The following LMBR1 variants were observed in gnomAD, a reference collection of about 807,000 sequenced individuals.
The protein encoded by LMBR1 is limb development membrane protein 1.
LMBR1 carries 52 observed loss-of-function variants against 73.9 expected under a neutral mutation model. That is an observed-to-expected ratio of 0.70 (90% CI 0.56 to 0.89). The LOEUF (loss-of-function observed/expected upper bound fraction) is 0.89, where lower values mean the gene tolerates loss of function less well. LMBR1 is among the 40% of genes least tolerant of loss of function. The pLI, the probability that LMBR1 is intolerant of heterozygous loss-of-function variation, is 0.00. For synonymous variants in LMBR1, 215 were observed against 209.4 expected, an observed-to-expected ratio of 1.03 and a Z score of -0.23; for missense variants, 539 against 579.8, an observed-to-expected ratio of 0.93 and a Z score of 0.72.
chr7:156,707,542 CA>C (rs1468668622), intron 15 of LMBR1, among the ~76,000 whole-genome samples: 1 of 152,100 alleles, frequency 6.6e-6, no homozygotes, highest in African/African-American at 2.4e-5. Context: ...GGTTTTATAC[CA>C]GGAGTGTAAG....
intron 3 of LMBR1, among the ~76,000 whole-genome samples, chr7:156,831,514 A>G (rs879642498): frequency 3.3e-5 from 5 of 152,056 alleles, no homozygotes; most frequent in African/African-American, 7.2e-5. Flanking sequence ...GATGAGGGAG[A>G]CTAGTCAGAC....
intron 9 of LMBR1, among the ~76,000 whole-genome samples, chr7:156,741,620 T>A (rs1395592074): frequency 1.3e-5 from 2 of 152,100 alleles, no homozygotes; most frequent in Non-Finnish European, 1.5e-5. Flanking sequence ...TGTAAAGATA[T>A]ATGCACCAAT....
chr7:156,841,477 A>T (rs1200229655), intron 1 of LMBR1, among the ~76,000 whole-genome samples: 2 of 152,188 alleles, frequency 1.3e-5, no homozygotes, highest in African/African-American at 4.8e-5. Context: ...ATAGAGACCT[A>T]GAGCTCTCAA....
rs371227423 is a variant in LMBR1 at position 156,758,848 on chromosome 7, T to C, written c.685-2383A>G. ...GCAGTGACAATGTAAATAACACACATATATTTGTGTTAAGTTCTTATGAGC... is the reference window on the plus strand; with the variant it reads ...GCAGTGACAATGTAAATAACACACACATATTTGTGTTAAGTTCTTATGAGC... On this transcript the variant is annotated intron_variant, in intron 8 of 16. Coordinates refer to ENST00000353442, the MANE Select transcript of LMBR1 (RefSeq NM_022458.4). Among the ~76,000 whole-genome samples, 20 of 152,318 alleles carry C rather than the reference T, an allele frequency of 1.3e-4. No individual in the cohort carries two copies. The East Asian group carries it at 2.3e-3, about 18-fold the overall frequency.
At chr7:156,845,166 T>A (rs75100101) in intron 1 of LMBR1, among the ~76,000 whole-genome samples, 4,095 of 152,256 alleles carry the variant, frequency 0.027, 202 homozygotes, top group African/African-American at 0.094. Context: ...TTATCATGTG[T>A]ACCCCAAGAA....
chr7:156,678,634 T>C lies in LMBR1; in HGVS notation c.*5444A>G, dbSNP rs1804478900. 1 of 151,782 alleles carries C rather than the reference T, an allele frequency of 6.6e-6. No homozygotes were observed. Among genetic ancestry groups the C allele is most frequent in the Non-Finnish European group, 1.5e-5 (1 of 67,922 alleles). The allele number at this position is 151,782 out of a possible 1,614,324, so 9.4% of individuals were successfully genotyped here. On this transcript the variant is annotated 3_prime_UTR_variant, in exon 17 of 17. Coordinates refer to ENST00000353442, the MANE Select transcript of LMBR1 (RefSeq NM_022458.4). Reference sequence around the variant, plus strand: ...AGAGTGGGGCCTTTGGAAACATGAGTTCATGGGAGGACTCAGCGGACAGGG... The same window carrying C: ...AGAGTGGGGCCTTTGGAAACATGAGCTCATGGGAGGACTCAGCGGACAGGG...
At chr7:156,761,045 G>GC (rs1822884193) in intron 8 of LMBR1, among the ~76,000 whole-genome samples, 1 of 152,228 alleles carries the variant, frequency 6.6e-6, no homozygotes, top group South Asian at 2.1e-4. Flanking sequence ...GGTAGCTGGA[G>GC]CAGGTAAGAG....
chr7:156,815,214 T>C (rs1267974160), intron 4 of LMBR1, among the ~76,000 whole-genome samples: 1 of 150,750 alleles, frequency 6.6e-6, no homozygotes, highest in Non-Finnish European at 1.5e-5. Context: ...ACACCAGCAT[T>C]TAGACCATAT....
At chr7:156,892,843 G>A (rs1199663536) in intron 1 of LMBR1, 85 bp downstream of exon 1, 1 of 941,950 alleles carries the variant, frequency 1.1e-6, no homozygotes, top group Non-Finnish European at 1.3e-6. Flanking sequence ...GAGGTGAGGG[G>A]TCCGGGGACC....
chr7:156,888,476 G>A (rs1427436828), intron 1 of LMBR1, among the ~76,000 whole-genome samples: 1 of 150,902 alleles, frequency 6.6e-6, no homozygotes, highest in African/African-American at 2.4e-5. Context: ...CTTCTGAATT[G>A]AAAGCAGGGA....
At chr7:156,752,058 A>G (rs1418084625) in intron 9 of LMBR1, among the ~76,000 whole-genome samples, 1 of 152,224 alleles carries the variant, frequency 6.6e-6, no homozygotes, top group African/African-American at 2.4e-5. Flanking sequence ...GAAAAGCCAG[A>G]AAAGTGGATT....
chr7:156,821,853 G>T (rs545529024), intron 4 of LMBR1, among the ~76,000 whole-genome samples: 2 of 152,164 alleles, frequency 1.3e-5, no homozygotes, highest in African/African-American at 4.8e-5. Flanking sequence ...ATCATACATG[G>T]ACCCAGCACC....
At chr7:156,877,710 C>T (rs986508029) in intron 1 of LMBR1, among the ~76,000 whole-genome samples, 5 of 152,102 alleles carry the variant, frequency 3.3e-5, no homozygotes, top group Admixed American at 6.5e-5. Flanking sequence ...GATGAAACCC[C>T]GTCTCTACTA....
chr7:156,841,389 G>A (rs1838677263), intron 1 of LMBR1, among the ~76,000 whole-genome samples: 1 of 152,162 alleles, frequency 6.6e-6, no homozygotes, highest in Non-Finnish European at 1.5e-5. Flanking sequence ...ATCATCTGCA[G>A]ATGATATTTA....
chr7:156,683,784 T>C lies in LMBR1; in HGVS notation c.*294A>G. On this transcript the variant is annotated 3_prime_UTR_variant, in exon 17 of 17. Transcript: ENST00000353442. ...ATATCAGGTGAAAACAATTTTTTCATATGGGTGATTGTATTTACCAACATG... is the reference window on the plus strand; with the variant it reads ...ATATCAGGTGAAAACAATTTTTTCACATGGGTGATTGTATTTACCAACATG... The C allele has an allele frequency of 3.7e-6, 1 of 267,706 alleles. No individual in the cohort carries two copies. The highest frequency in any genetic ancestry group is 6.9e-6 in the Non-Finnish European group (1 of 143,920). 16.6% of individuals were successfully genotyped at this position (267,706 alleles called of 1,614,324 possible).
intron 1 of LMBR1, among the ~76,000 whole-genome samples, chr7:156,880,971 T>TAACA (rs1800999828): frequency 6.6e-6 from 1 of 151,936 alleles, no homozygotes; most frequent in African/African-American, 2.4e-5. Flanking sequence ...CATTTTTTTT[T>TAACA]AACAGAAATA....
rs1164308979 is a variant in LMBR1, at chr7:156,680,401, A to AGTGTGTGTGTGTGTGTGTGTGTGT, written c.*3676_*3677insACACACACACACACACACACACAC. On this transcript the variant is annotated 3_prime_UTR_variant, in exon 17 of 17. Transcript: ENST00000353442. The stretch of plus-strand genomic sequence containing the variant: ...CAGAGAGAGAGAGAGAGAGAGAGAG[A>AGTGTGTGTGTGTGTGTGTGTGTGT]GAGTGTGTGTGTGTGTGTGTGTGTA... The AGTGTGTGTGTGTGTGTGTGTGTGT allele has an allele frequency of 7.4e-6, 1 of 134,416 alleles. No individual in the cohort carries two copies. Among genetic ancestry groups the AGTGTGTGTGTGTGTGTGTGTGTGT allele is most frequent in the African/African-American group, 3.0e-5 (1 of 33,362 alleles). The allele number at this position is 134,416 out of a possible 1,614,324, so 8.3% of individuals were successfully genotyped here. A position where few individuals can be genotyped will look rare whatever the true frequency, so the allele number is the denominator to read the frequency against.
intron 9 of LMBR1, among the ~76,000 whole-genome samples, chr7:156,748,677 C>T (rs777528215): frequency 2.0e-5 from 3 of 151,960 alleles, no homozygotes; most frequent in Non-Finnish European, 4.4e-5. Flanking sequence ...TTAGTAGAGA[C>T]GGTGTTTCAC....
intron 16 of LMBR1, among the ~76,000 whole-genome samples, chr7:156,687,434 A>ATTCAT (rs1384820186): frequency 1.3e-5 from 2 of 152,258 alleles, no homozygotes; most frequent in African/African-American, 4.8e-5. Flanking sequence ...ATAAAAATAC[A>ATTCAT]TTCATAGGTT....
Sources: gnomAD v4.1 joint callset for allele counts (sites outside exome capture counted in the v4.1 genomes callset) on GRCh38, gnomAD v4.1.1 for gene constraint, MANE v1.5 for transcripts, NCBI Gene and HGNC (gene_info 2026-07-23, HGNC 2026-07-21) for gene names.